The following CNTLN variants were observed in gnomAD, a reference collection of about 807,000 sequenced individuals.
CNTLN encodes centlein, centrosomal protein.
Under a neutral mutation model 180.0 loss-of-function variants are expected in CNTLN, and 212 were observed. The ratio of observed to expected loss-of-function variants is 1.18; its 90% confidence interval spans 1.05 to 1.32. CNTLN has a LOEUF of 1.32. Among genes scored for constraint, CNTLN ranks in the 40% most tolerant of loss-of-function variants. CNTLN has a pLI of 0.00. For missense variants in CNTLN, 2,095 were observed against 1,610.9 expected (o/e 1.30, Z -5.14); for synonymous variants, 722 against 563.1 (o/e 1.28, Z -3.99).
At chr9:17,163,589 C>A (rs752736087) in intron 2 of CNTLN, among the ~76,000 whole-genome samples, 47 of 152,208 alleles carry the variant, frequency 3.1e-4, no homozygotes, top group Middle Eastern at 3.4e-3. Flanking sequence ...TGCATATTTT[C>A]CACAGTGCTT....
intron 2 of CNTLN, among the ~76,000 whole-genome samples, chr9:17,143,762 A>G (rs946646021): frequency 6.6e-6 from 1 of 152,218 alleles, no homozygotes; most frequent in Non-Finnish European, 1.5e-5. Flanking sequence ...TTCCCCTTAG[A>G]TAATTGCAGT....
At chr9:17,477,167 A>G (rs1832396127) in intron 23 of CNTLN, among the ~76,000 whole-genome samples, 1 of 152,178 alleles carries the variant, frequency 6.6e-6, no homozygotes, top group African/African-American at 2.4e-5. Context: ...TTTAGGCCCA[A>G]TATTGAGACC....
chr9:17,188,049 A>G (rs1016761695), intron 2 of CNTLN, among the ~76,000 whole-genome samples: 1 of 150,542 alleles, frequency 6.6e-6, no homozygotes, highest in East Asian at 1.9e-4. Context: ...ATATTTATGT[A>G]TATATATAAA....
At chr9:17,457,100 A>G (rs548019615) in intron 18 of CNTLN, among the ~76,000 whole-genome samples, 2 of 152,266 alleles carry the variant, frequency 1.3e-5, no homozygotes, top group South Asian at 2.1e-4. Context: ...TTTGGCTGCT[A>G]TATAGGATGG....
At chr9:17,385,048 A>T (rs926751287) in intron 13 of CNTLN, among the ~76,000 whole-genome samples, 8 of 152,292 alleles carry the variant, frequency 5.3e-5, no homozygotes, top group Admixed American at 5.2e-4. Context: ...CCTTCCTCAG[A>T]TTAGTTAATT....
intron 3 of CNTLN, among the ~76,000 whole-genome samples, chr9:17,231,038 G>A (rs1824782388): frequency 6.6e-6 from 1 of 151,996 alleles, no homozygotes; most frequent in Admixed American, 6.6e-5. Flanking sequence ...TCAATTTTGG[G>A]AGCGTTGGTT....
intron 12 of CNTLN, among the ~76,000 whole-genome samples, chr9:17,361,350 A>G (rs1251449395): frequency 6.6e-6 from 1 of 152,134 alleles, no homozygotes; most frequent in East Asian, 1.9e-4. Flanking sequence ...TCTACTCATT[A>G]GAATGACCCA....
intron 8 of CNTLN, among the ~76,000 whole-genome samples, chr9:17,326,655 C>A (rs993397762): frequency 2.6e-5 from 4 of 152,080 alleles, no homozygotes; most frequent in African/African-American, 9.7e-5. Context: ...TCTACTTCAG[C>A]CAGGTGATCA....
chr9:17,280,181 G>C (rs536014139), intron 6 of CNTLN, among the ~76,000 whole-genome samples: 2 of 152,260 alleles, frequency 1.3e-5, no homozygotes, highest in South Asian at 2.1e-4. Flanking sequence ...AAGATTATTA[G>C]ATTTATATTT....
intron 13 of CNTLN, among the ~76,000 whole-genome samples, chr9:17,377,212 G>A (rs1431625069): frequency 2.0e-5 from 3 of 152,028 alleles, no homozygotes; most frequent in Non-Finnish European, 4.4e-5. Flanking sequence ...TTCTATTTAT[G>A]AATTCTTTCT....
intron 3 of CNTLN, among the ~76,000 whole-genome samples, chr9:17,234,384 C>T (rs1326661479): frequency 5.9e-5 from 9 of 151,886 alleles, no homozygotes; most frequent in Non-Finnish European, 1.0e-4. Flanking sequence ...TCGAGGCTGC[C>T]GTGAGCCATG....
intron 5 of CNTLN, among the ~76,000 whole-genome samples, chr9:17,252,361 G>A (rs942781995): frequency 6.6e-6 from 1 of 151,746 alleles, no homozygotes; most frequent in African/African-American, 2.4e-5. Flanking sequence ...CACCAACAGT[G>A]TATAAGAGTT....
At chr9:17,361,589 G>C (rs1279354518) in intron 12 of CNTLN, among the ~76,000 whole-genome samples, 1 of 152,170 alleles carries the variant, frequency 6.6e-6, no homozygotes, top group Non-Finnish European at 1.5e-5. Context: ...GATTTCTTTA[G>C]CTTTTTTCCA....
chr9:17,320,760 C>G (rs765477113), intron 8 of CNTLN, among the ~76,000 whole-genome samples: 2 of 152,206 alleles, frequency 1.3e-5, no homozygotes, highest in African/African-American at 2.4e-5. Context: ...ACCTCAGCCT[C>G]CCAAAGCGCT....
At chr9:17,414,319 A>C (rs934047330) in intron 16 of CNTLN, among the ~76,000 whole-genome samples, 1 of 152,154 alleles carries the variant, frequency 6.6e-6, no homozygotes, top group Non-Finnish European at 1.5e-5. Flanking sequence ...GTTTCATAGC[A>C]TGAGAGTTTT....
At chr9:17,157,569 G>A (rs948383620) in intron 2 of CNTLN, among the ~76,000 whole-genome samples, 2 of 152,182 alleles carry the variant, frequency 1.3e-5, no homozygotes, top group Admixed American at 6.5e-5. Context: ...GTTTGTGACA[G>A]TGCTTCTGGA....
At chr9:17,366,313 A>C (rs1432132266) in intron 12 of CNTLN, among the ~76,000 whole-genome samples, 1 of 151,856 alleles carries the variant, frequency 6.6e-6, no homozygotes, top group Non-Finnish European at 1.5e-5. Context: ...TGTTGTTATT[A>C]TTATTATTAT....
chr9:17,312,006 A>C (rs1819169321), intron 8 of CNTLN, among the ~76,000 whole-genome samples: 1 of 53,810 alleles, frequency 1.9e-5, no homozygotes, highest in Admixed American at 2.0e-4. Flanking sequence ...AGTCAATAGA[A>C]CAAAGTCCAG....
chr9:17,296,609 G>C (rs1003624823), intron 6 of CNTLN, among the ~76,000 whole-genome samples: 1 of 152,028 alleles, frequency 6.6e-6, no homozygotes, highest in Non-Finnish European at 1.5e-5. Flanking sequence ...TTTTGCTAAT[G>C]TTATTAGTGA....
Sources: allele counts gnomAD v4.1 joint callset (sites outside exome capture counted in the v4.1 genomes callset), GRCh38; gene constraint gnomAD v4.1.1; transcripts MANE v1.5; gene names NCBI Gene and HGNC (gene_info 2026-07-23, HGNC 2026-07-21).